LRPPRC: variants seen among roughly 807,000 people sequenced by gnomAD.
LRPPRC encodes leucine-rich PPR motif-containing protein, mitochondrial.
LRPPRC carries 120 observed loss-of-function variants against 180.3 expected under a neutral mutation model. That is an observed-to-expected ratio of 0.67 (90% confidence interval 0.57 to 0.77). The LOEUF is 0.77. LRPPRC is among the 30% of genes least tolerant of loss of function. The probability of loss-of-function intolerance (pLI) is 0.00; values close to 1 mark genes in which losing one functional copy is unlikely to be tolerated. For synonymous variants in LRPPRC, 723 were observed against 600.0 expected (o/e 1.21, Z -3.00); for missense variants, 2,012 against 1,657.2 (o/e 1.21, Z -3.72).
At chr2:43,929,929 A>T (rs1672024279) in intron 25 of LRPPRC, among the ~76,000 whole-genome samples, 2 of 149,052 alleles carry the variant, frequency 1.3e-5, no homozygotes, top group Admixed American at 6.8e-5. Context: ...ACATATCCTG[A>T]AATTTTGGAG....
intron 12 of LRPPRC, 127 bp downstream of exon 12, chr2:43,963,461 G>C (rs1673432393): frequency 4.2e-6 from 3 of 721,218 alleles, no homozygotes; most frequent in Non-Finnish European, 7.4e-6. Flanking sequence ...AAGAAAAAAA[G>C]AAAATTGTAT....
chr2:43,988,958 C>G (rs2103770710), intron 1 of LRPPRC, among the ~76,000 whole-genome samples: 1 of 152,250 alleles, frequency 6.6e-6, no homozygotes, highest in South Asian at 2.1e-4. Context: ...CAGCTTTGAA[C>G]TCCTGGCCTC....
intron 36 of LRPPRC, among the ~76,000 whole-genome samples, chr2:43,891,127 T>C (rs888825250): frequency 5.3e-5 from 8 of 152,230 alleles, no homozygotes; most frequent in Non-Finnish European, 1.0e-4. Context: ...GTCAACTTCT[T>C]GTGTAAATCC....
intron 1 of LRPPRC, among the ~76,000 whole-genome samples, chr2:43,993,635 G>C (rs572457717): frequency 5.3e-5 from 8 of 151,642 alleles, no homozygotes; most frequent in Non-Finnish European, 1.2e-4. Context: ...TCAGAGTCCA[G>C]GAAAAAGAGG....
chr2:43,967,515 T>C (rs571401679), intron 11 of LRPPRC, among the ~76,000 whole-genome samples: 2 of 152,268 alleles, frequency 1.3e-5, no homozygotes, highest in South Asian at 4.2e-4. Flanking sequence ...TTTAAATGTA[T>C]TTTTCAAGAT....
intron 23 of LRPPRC, 145 bp downstream of exon 23, chr2:43,943,542 C>T (rs1672565902): frequency 1.5e-6 from 1 of 688,604 alleles, no homozygotes; most frequent in East Asian, 2.7e-5. Context: ...TTAAAGGTCA[C>T]CTAGTTCATA....
intron 36 of LRPPRC, 23 bp downstream of exon 36, chr2:43,894,521 AT>A: frequency 9.3e-7 from 1 of 1,070,246 alleles, no homozygotes; most frequent in Admixed American, 1.7e-5. Context: ...AATAAATAAT[AT>A]AGTCAAATTA....
intron 27 of LRPPRC, among the ~76,000 whole-genome samples, chr2:43,918,727 A>T (rs1459283272): frequency 1.3e-5 from 2 of 150,528 alleles, no homozygotes; most frequent in Non-Finnish European, 3.0e-5. Flanking sequence ...TCAAAATCAG[A>T]AACAGGTGAC....
At chr2:43,941,387 G>T (rs776779453) in intron 23 of LRPPRC, among the ~76,000 whole-genome samples, 31 of 152,092 alleles carry the variant, frequency 2.0e-4, no homozygotes, top group Non-Finnish European at 5.9e-5. Context: ...TGAATGAAAG[G>T]GTGAAGATTT....
intron 29 of LRPPRC, 28 bp downstream of exon 29, chr2:43,917,997 A>T: frequency 1.2e-6 from 1 of 839,180 alleles, no homozygotes; most frequent in East Asian, 3.5e-5. Context: ...ACCCCCCCAC[A>T]CACACCCCCA....
intron 27 of LRPPRC, among the ~76,000 whole-genome samples, chr2:43,923,177 T>A (rs1161349272): frequency 1.4e-4 from 18 of 130,548 alleles, no homozygotes; most frequent in Admixed American, 3.1e-4. Flanking sequence ...TTTGTTTCTT[T>A]AAAAAAAAAA....
intron 30 of LRPPRC, among the ~76,000 whole-genome samples, chr2:43,911,414 G>C (rs573957666): frequency 6.6e-6 from 1 of 151,818 alleles, no homozygotes; most frequent in South Asian, 2.1e-4. Context: ...CTTGTGATGT[G>C]AAAGGATGGC....
chr2:43,969,187 T>C (rs181502106), intron 11 of LRPPRC, among the ~76,000 whole-genome samples: 1,845 of 151,782 alleles, frequency 0.012, 36 homozygotes, highest in African/African-American at 0.043. Flanking sequence ...CCGAGGCGGG[T>C]GGATCACAAG....
chr2:43,933,257 T>C lies in LRPPRC; in HGVS notation c.2736+933A>G, dbSNP rs942668270. Among the ~76,000 whole-genome samples the C allele has an allele frequency of 2.6e-5, 4 of 152,242 alleles. 1 individual carries two copies. The South Asian group carries it at 8.3e-4, about 32-fold the overall frequency. On this transcript the variant is annotated intron_variant, in intron 25 of 37. Coordinates refer to ENST00000260665, the MANE Select transcript of LRPPRC (RefSeq NM_133259.4). ...ACACCGTTCTCTTCTTCAAAAAACA[T>C]CAGGAGGAAAAAAATACAGTTTTCT...
At chr2:43,929,707 G>T (rs1227071602) in intron 25 of LRPPRC, among the ~76,000 whole-genome samples, 2 of 152,058 alleles carry the variant, frequency 1.3e-5, no homozygotes, top group Non-Finnish European at 2.9e-5. Flanking sequence ...AGCAAAAAAG[G>T]TCTCATGGTA....
rs119466000 is a variant in LRPPRC at position 43,974,244 on chromosome 2, G to A, written c.1061C>T (p.Ala354Val). The change falls in exon 9 of 38, where the codon GCG becomes GTG. Residue 354 changes from alanine (A) to valine (V), a missense_variant. Transcript: ENST00000260665. ...LLVTEKLEDVALQILLACPVS... is the reference protein window; with the variant it reads ...LLVTEKLEDVVLQILLACPVS... ...GGGGCATGCTAGTAAAATTTGCAACGCTACATCTTCCAATTTTTCAGTGAC... is the reference window on the plus strand; with the variant it reads ...GGGGCATGCTAGTAAAATTTGCAACACTACATCTTCCAATTTTTCAGTGAC... 38 of 1,610,422 alleles carry A rather than the reference G, an allele frequency of 2.4e-5. No individual in the cohort carries two copies. The highest frequency in any genetic ancestry group is 2.9e-5 in the Non-Finnish European group (34 of 1,176,778).
chr2:43,907,641 T>C (rs1403699869), intron 30 of LRPPRC, among the ~76,000 whole-genome samples: 1 of 152,208 alleles, frequency 6.6e-6, no homozygotes, highest in Non-Finnish European at 1.5e-5. Context: ...AGCAGTCACA[T>C]ATGACTAGTG....
intron 21 of LRPPRC, 95 bp from the exon 22 acceptor site, chr2:43,945,512 G>T: frequency 1.3e-6 from 1 of 771,834 alleles, no homozygotes; most frequent in Non-Finnish European, 2.3e-6. Context: ...AAGCTCATCA[G>T]AAGACCTGAA....
intron 1 of LRPPRC, among the ~76,000 whole-genome samples, chr2:43,988,183 G>C (rs1377793616): frequency 2.0e-5 from 3 of 146,820 alleles, no homozygotes; most frequent in African/African-American, 5.1e-5. Context: ...GAGGGTGCAA[G>C]TGAGCCAAGA....
Sources: allele counts gnomAD v4.1 joint callset (sites outside exome capture counted in the v4.1 genomes callset), GRCh38; gene constraint gnomAD v4.1.1; transcripts MANE v1.5; gene names NCBI Gene and HGNC (gene_info 2026-07-23, HGNC 2026-07-21).